The following SLC13A3 variants were observed in gnomAD, a reference collection of about 807,000 sequenced individuals.
The protein encoded by SLC13A3 is Na(+)/dicarboxylate cotransporter 3.
A neutral mutation model predicts 59.0 loss-of-function variants in SLC13A3; 40 were observed. The ratio of observed to expected loss-of-function variants is 0.68; its 90% CI spans 0.53 to 0.88. SLC13A3 has a LOEUF of 0.88. Ranked by LOEUF, SLC13A3 falls within the 40% of genes least tolerant of loss-of-function variation. SLC13A3 has a pLI of 0.00. For synonymous variants in SLC13A3, 317 were observed against 330.3 expected (o/e 0.96, Z 0.44); for missense variants, 699 against 783.2 (o/e 0.89, Z 1.28).
At chr20:46,574,477 G>A (rs146301910) in intron 10 of SLC13A3, among the ~76,000 whole-genome samples, 2 of 152,264 alleles carry the variant, frequency 1.3e-5, no homozygotes, top group African/African-American at 2.4e-5. Flanking sequence ...GCACTTGCAC[G>A]CCCCGGAGAG....
At chr20:46,593,258 G>A (rs747766016) in intron 5 of SLC13A3, among the ~76,000 whole-genome samples, 3 of 152,296 alleles carry the variant, frequency 2.0e-5, no homozygotes, top group Admixed American at 6.5e-5. Flanking sequence ...GTAAAATGCA[G>A]TAAGAGTCTT....
chr20:46,640,294 G>T (rs911401845), intron 1 of SLC13A3, among the ~76,000 whole-genome samples: 1 of 152,128 alleles, frequency 6.6e-6, no homozygotes, highest in Admixed American at 6.5e-5. Context: ...CAGAGGGCTG[G>T]TAAGGTCCTG....
intron 3 of SLC13A3, chr20:46,609,100 C>T: frequency 1.9e-6 from 3 of 1,540,380 alleles, no homozygotes; most frequent in Non-Finnish European, 2.6e-6. Flanking sequence ...TTAAACTAGC[C>T]ATTTCTGCCC....
At chr20:46,607,020 C>T (rs1272161300) in intron 3 of SLC13A3, among the ~76,000 whole-genome samples, 1 of 152,252 alleles carries the variant, frequency 6.6e-6, no homozygotes, top group East Asian at 1.9e-4. Context: ...GCCCTAGGTT[C>T]TGCCTCCTCT....
chr20:46,582,606 A>G (rs1352975661), intron 9 of SLC13A3: 2 of 984,118 alleles, frequency 2.0e-6, no homozygotes, highest in African/African-American at 1.8e-5. Context: ...CCATTAAAAA[A>G]AAAAGAAGAA....
intron 1 of SLC13A3, among the ~76,000 whole-genome samples, chr20:46,628,629 G>C (rs550135307): frequency 6.6e-6 from 1 of 152,338 alleles, no homozygotes; most frequent in East Asian, 1.9e-4. Flanking sequence ...CTTTGAAGGG[G>C]AAAGAATACC....
chr20:46,598,041 GA>G (rs1289201861), intron 4 of SLC13A3, among the ~76,000 whole-genome samples: 7 of 151,586 alleles, frequency 4.6e-5, no homozygotes, highest in Non-Finnish European at 5.9e-5. Context: ...CAATGAATCT[GA>G]AAAAAAGATA....
At position 46,584,183 on chromosome 20, in the gene SLC13A3, G is replaced by A. The variant is rs190267140; in HGVS notation, c.1122-514C>T. ...CAAGCATCCACAATGTGTCCTTTAG[G>A]GGAGTTTTGCGCACATTAAGCCCTC... On this transcript the variant is annotated intron_variant, in intron 8 of 12. Transcript: ENST00000279027. 14 of 985,308 alleles carry A rather than the reference G, an allele frequency of 1.4e-5. No individual in the cohort carries two copies. The East Asian group carries it at 1.4e-3, about 96-fold the overall frequency. 61.0% of individuals were successfully genotyped at this position (985,308 alleles called of 1,614,324 possible).
intron 8 of SLC13A3, among the ~76,000 whole-genome samples, chr20:46,586,293 T>C (rs1166463707): frequency 6.6e-6 from 1 of 152,172 alleles, no homozygotes; most frequent in Admixed American, 6.5e-5. Context: ...CCACTCACGC[T>C]TCTTAAAACA....
intron 1 of SLC13A3, among the ~76,000 whole-genome samples, chr20:46,646,318 T>C (rs1319164308): frequency 6.6e-6 from 1 of 152,234 alleles, no homozygotes; most frequent in Non-Finnish European, 1.5e-5. Flanking sequence ...GTGCCTCACT[T>C]TCCTCATCTC....
intron 3 of SLC13A3, chr20:46,609,201 T>G (rs1274886183): frequency 2.4e-5 from 32 of 1,323,164 alleles, no homozygotes; most frequent in Non-Finnish European, 2.1e-5. Flanking sequence ...GGCAGCCACT[T>G]TGCAACCATA....
chr20:46,599,277 A>T (rs1370978524), intron 4 of SLC13A3, among the ~76,000 whole-genome samples: 2 of 152,262 alleles, frequency 1.3e-5, no homozygotes, highest in Non-Finnish European at 2.9e-5. Flanking sequence ...AGACCGGATC[A>T]ATGCCCAGCA....
chr20:46,635,293 C>G (rs1418363992), intron 1 of SLC13A3, among the ~76,000 whole-genome samples: 1 of 152,162 alleles, frequency 6.6e-6, no homozygotes, highest in Admixed American at 6.5e-5. Flanking sequence ...TTGAAGCACA[C>G]ACGGCAGGCC....
intron 3 of SLC13A3, among the ~76,000 whole-genome samples, chr20:46,606,753 G>C: frequency 6.6e-6 from 1 of 152,170 alleles, no homozygotes; most frequent in East Asian, 1.9e-4. Flanking sequence ...AAGGAACATT[G>C]GGCCTATCAT....
intron 1 of SLC13A3, among the ~76,000 whole-genome samples, chr20:46,616,128 C>A (rs1479641909): frequency 2.0e-5 from 3 of 152,158 alleles, no homozygotes; most frequent in African/African-American, 7.2e-5. Context: ...TTTGATTTGT[C>A]ATCATCCTTT....
At chr20:46,651,070 T>C (rs1036149890) in intron 1 of SLC13A3, among the ~76,000 whole-genome samples, 8 of 152,208 alleles carry the variant, frequency 5.3e-5, no homozygotes, top group African/African-American at 1.9e-4. Flanking sequence ...AACGAAATTA[T>C]TCCCATGGAA....
At chr20:46,682,111 C>T (rs181686427) in intron 1 of SLC13A3, 3 of 152,292 alleles carry the variant, frequency 2.0e-5, no homozygotes, top group Admixed American at 1.3e-4. Flanking sequence ...TGGGTTAGGA[C>T]TAGGGTGAAG....
intron 1 of SLC13A3, among the ~76,000 whole-genome samples, chr20:46,623,565 G>A (rs566386503): frequency 6.6e-6 from 1 of 152,088 alleles, no homozygotes; most frequent in East Asian, 1.9e-4. Flanking sequence ...CCTCTGTTTT[G>A]GGGGAAATTA....
At chr20:46,613,750 A>T in intron 1 of SLC13A3, 25 bp from the exon 2 acceptor site, 3 of 1,522,770 alleles carry the variant, frequency 2.0e-6, no homozygotes, top group Non-Finnish European at 2.7e-6. Flanking sequence ...GCATGCTCAG[A>T]GGGTCAGCGG....
Sources: allele counts gnomAD v4.1 joint callset (sites outside exome capture counted in the v4.1 genomes callset), GRCh38; gene constraint gnomAD v4.1.1; transcripts MANE v1.5; gene names NCBI Gene and HGNC (gene_info 2026-07-23, HGNC 2026-07-21).